Variants in RPRD1A observed in about 807,000 individuals in gnomAD.
RPRD1A encodes the protein regulation of nuclear pre-mRNA domain-containing protein 1A.
Under a neutral mutation model 37.8 loss-of-function variants are expected in RPRD1A, and 9 were observed. That is an observed-to-expected ratio of 0.24 (90% confidence interval 0.14 to 0.42). The LOEUF is 0.42. Ranked by LOEUF, RPRD1A falls within the 10% of genes least tolerant of loss-of-function variation. The pLI is 1.00. For missense variants in RPRD1A, 255 were observed against 371.0 expected, an observed-to-expected ratio of 0.69 and a Z score of 2.57; for synonymous variants, 138 against 139.7, an observed-to-expected ratio of 0.99 and a Z score of 0.08.
intron 6 of RPRD1A, among the ~76,000 whole-genome samples, chr18:36,011,353 T>C (rs948666805): frequency 7.2e-5 from 11 of 152,198 alleles, no homozygotes; most frequent in Non-Finnish European, 1.5e-5. Context: ...CCCATCCAAA[T>C]GTTAACTAAT....
intron 1 of RPRD1A, among the ~76,000 whole-genome samples, chr18:36,062,465 A>C (rs1337389719): frequency 6.7e-6 from 1 of 149,360 alleles, no homozygotes; most frequent in East Asian, 1.9e-4. Context: ...CATATCCACA[A>C]AAAAAAAAAG....
intron 4 of RPRD1A, among the ~76,000 whole-genome samples, chr18:36,029,074 T>C (rs1221457250): frequency 6.6e-6 from 1 of 152,218 alleles, no homozygotes; most frequent in African/African-American, 2.4e-5. Context: ...TAGTGTTTGG[T>C]TGTTCCAAAT....
At position 36,026,957 on chromosome 18, in the gene RPRD1A, T is replaced by C. The variant is rs144773297; in HGVS notation, c.732A>G (p.Leu244=). ...CCTTTTGACAACGAAGAAAATCTGC[T>C]AACATTCGAGTGAGTTGCTTTCTAT... is the stretch of plus-strand genomic sequence containing the variant. ...IDDRKQLTRM[L]ADFLRCQKEA... is the part of the protein sequence containing the mutation. Residue 244 remains leucine (L), a synonymous_variant, in exon 6 of 7, where the codon TTA becomes TTG. Coordinates refer to ENST00000399022, the MANE Select transcript of RPRD1A (RefSeq NM_018170.5). 1.9e-6 allele frequency: 3 copies of C among 1,614,036 alleles called. No individual in the cohort carries two copies. The highest frequency in any genetic ancestry group is 2.5e-6 in the Non-Finnish European group (3 of 1,179,890).
At chr18:36,007,938 AAAAT>A (rs1476321437) in intron 6 of RPRD1A, among the ~76,000 whole-genome samples, 1 of 152,044 alleles carries the variant, frequency 6.6e-6, no homozygotes, top group Non-Finnish European at 1.5e-5. Flanking sequence ...ACTCCATCTC[AAAAT>A]AAATAAAAAA....
At chr18:36,025,466 A>G (rs932813276) in intron 6 of RPRD1A, 3 of 396,118 alleles carry the variant, frequency 7.6e-6, no homozygotes, top group African/African-American at 6.3e-5. Flanking sequence ...TATTTTCTAC[A>G]GTTACACTTC....
Position 36,026,965 on chromosome 18 carries a change from G to C in RPRD1A, c.724C>G (p.Arg242Gly). ...CAACGAAGAAAATCTGCTAACATTC[G>C]AGTGAGTTGCTTTCTATCATCTATT... is the stretch of plus-strand genomic sequence containing the variant. ...AEIDDRKQLT[R>G]MLADFLRCQK... Residue 242 changes from arginine (R) to glycine (G), a missense_variant, in exon 6 of 7, where the codon CGA (arginine) becomes GGA (glycine). Coordinates refer to ENST00000399022, the MANE Select transcript of RPRD1A (RefSeq NM_018170.5). The C allele has an allele frequency of 6.2e-7, 1 of 1,613,904 alleles. No homozygotes were observed. The highest frequency in any genetic ancestry group is 8.5e-7 in the Non-Finnish European group (1 of 1,179,852).
chr18:36,060,367 G>C (rs994884744), intron 1 of RPRD1A, among the ~76,000 whole-genome samples: 10 of 152,066 alleles, frequency 6.6e-5, no homozygotes, highest in African/African-American at 2.4e-4. Context: ...CGGGAAGGTG[G>C]AGGTTGCAGT....
chr18:36,015,891 C>CATGT (rs1460461739), intron 6 of RPRD1A, among the ~76,000 whole-genome samples: 39 of 152,146 alleles, frequency 2.6e-4, no homozygotes, highest in Non-Finnish European at 1.3e-4. Context: ...GGTGCAAAAT[C>CATGT]ATGTGAATAT....
At chr18:36,043,624 T>C (rs1162013788) in intron 1 of RPRD1A, among the ~76,000 whole-genome samples, 3 of 152,312 alleles carry the variant, frequency 2.0e-5, no homozygotes, top group East Asian at 3.9e-4. Context: ...TGGAAGAATA[T>C]ACACCATACC....
chr18:36,018,987 T>C lies in RPRD1A; in HGVS notation c.789+7913A>G, dbSNP rs372622012. Among the ~76,000 whole-genome samples, 6 of 152,244 alleles carry C rather than the reference T, an allele frequency of 3.9e-5. No homozygotes were observed. In the East Asian group the frequency reaches 5.8e-4, roughly 15 times the overall value. ...CAATCAGCAAAGCAAAAAGCTCTGA[T>C]TTTAGAACATGCTTGATATACCTGA... is the stretch of plus-strand genomic sequence containing the variant. On this transcript the variant is annotated intron_variant, in intron 6 of 6. Transcript: ENST00000399022.
intron 1 of RPRD1A, chr18:36,064,385 A>T (rs2088978376): frequency 6.6e-6 from 1 of 152,438 alleles, no homozygotes; most frequent in African/African-American, 2.4e-5. Context: ...AGTGCCATTG[A>T]GAGGTGAAGC....
At chr18:36,047,125 T>C (rs1330432990) in intron 1 of RPRD1A, among the ~76,000 whole-genome samples, 1 of 152,008 alleles carries the variant, frequency 6.6e-6, no homozygotes. Flanking sequence ...GGAGGCTCGC[T>C]TGAGCCCAGA....
chr18:36,029,815 T>A (rs958748322), intron 4 of RPRD1A, among the ~76,000 whole-genome samples: 1 of 152,068 alleles, frequency 6.6e-6, no homozygotes, highest in Non-Finnish European at 1.5e-5. Flanking sequence ...CACTACTTTT[T>A]TTTTTTTTGA....
rs549157822 is a variant in RPRD1A, at chr18:36,031,191, A to C, written c.282-94T>G. ...TAACGGTAACTTTAAATATAATCAG[A>C]CATTCATTCCCTGGAAAAAACTGTC... is the stretch of plus-strand genomic sequence containing the variant. On this transcript the variant is annotated intron_variant, in intron 2 of 6. Transcript: ENST00000399022. 1.4e-5 allele frequency: 19 copies of C among 1,373,410 alleles called. No individual in the cohort carries two copies. In the South Asian group the frequency reaches 2.9e-4, roughly 21 times the overall value. The allele number at this position is 1,373,410 out of a possible 1,614,324, so 85.1% of individuals were successfully genotyped here.
intron 6 of RPRD1A, among the ~76,000 whole-genome samples, chr18:35,996,977 CAAAAAAAAAAAA>C (rs200694089): frequency 4.1e-4 from 23 of 55,616 alleles, no homozygotes; most frequent in South Asian, 1.5e-3. Context: ...GACCCTGTCT[CAAAAAAAAAAAA>C]AAAAAAAAAA....
intron 6 of RPRD1A, among the ~76,000 whole-genome samples, chr18:35,997,882 A>G (rs2144146392): frequency 6.6e-6 from 1 of 152,248 alleles, no homozygotes; most frequent in East Asian, 1.9e-4. Context: ...TTTAATCACT[A>G]TTTTCCAAAC....
intron 6 of RPRD1A, among the ~76,000 whole-genome samples, chr18:36,022,313 A>T (rs1414559029): frequency 6.6e-6 from 1 of 152,216 alleles, no homozygotes; most frequent in Non-Finnish European, 1.5e-5. Flanking sequence ...AGTTACCCAG[A>T]GGCTCTAGCT....
At position 35,989,980 on chromosome 18, in the gene RPRD1A, T is replaced by C. The variant is rs1260516664; in HGVS notation, c.*3171A>G. On this transcript the variant is annotated 3_prime_UTR_variant, in exon 7 of 7. Coordinates refer to ENST00000399022, the MANE Select transcript of RPRD1A (RefSeq NM_018170.5). ...CCTGTGTGGATGGCTGGAACAACAG[T>C]TGGCAACAAATGCTCTGTATAAATA... 6.6e-6 allele frequency: 1 copy of C among 152,230 alleles called. No homozygotes were observed. The highest frequency in any genetic ancestry group is 1.5e-5 in the Non-Finnish European group (1 of 68,054). The allele number at this position is 152,230 out of a possible 1,614,324, so 9.4% of individuals were successfully genotyped here. A position where few individuals can be genotyped will look rare whatever the true frequency, so the allele number is the denominator to read the frequency against.
chr18:36,014,014 T>C (rs1022250285), intron 6 of RPRD1A, among the ~76,000 whole-genome samples: 2 of 152,136 alleles, frequency 1.3e-5, no homozygotes, highest in African/African-American at 4.8e-5. Flanking sequence ...CTTCCTGTGA[T>C]TTTTGGTACT....
Sources: allele counts gnomAD v4.1 joint callset (sites outside exome capture counted in the v4.1 genomes callset), GRCh38; gene constraint gnomAD v4.1.1; transcripts MANE v1.5; gene names NCBI Gene and HGNC (gene_info 2026-07-23, HGNC 2026-07-21).